COL11A1: variants seen among roughly 807,000 people sequenced by gnomAD.
The protein encoded by COL11A1 is collagen alpha-1(XI) chain.
Under a neutral mutation model 265.2 loss-of-function variants are expected in COL11A1, and 74 were observed. That is an observed-to-expected ratio of 0.28 (90% CI 0.23 to 0.34). The LOEUF (loss-of-function observed/expected upper bound fraction) is 0.34. Among genes scored for constraint, COL11A1 ranks in the 10% least tolerant of loss-of-function variants. The pLI is 1.00. For synonymous variants in COL11A1, 816 were observed against 727.6 expected (o/e 1.12, Z -1.96); for missense variants, 2,165 against 2,263.6 (o/e 0.96, Z 0.88).
At chr1:103,021,616 G>T in intron 9 of COL11A1, 91 bp downstream of exon 9, 1 of 849,564 alleles carries the variant, frequency 1.2e-6, no homozygotes, top group Non-Finnish European at 2.0e-6. Flanking sequence ...GATTATCATT[G>T]GTAAAACACG....
chr1:103,005,712 T>C, intron 18 of COL11A1, 126 bp downstream of exon 18: 2 of 1,044,000 alleles, frequency 1.9e-6, no homozygotes, highest in Non-Finnish European at 1.5e-6. Context: ...TAGTATCTAT[T>C]AGATTATTAA....
chr1:102,954,063 A>G (rs545790468), intron 41 of COL11A1, among the ~76,000 whole-genome samples: 1 of 152,358 alleles, frequency 6.6e-6, no homozygotes, highest in Admixed American at 6.5e-5. Context: ...AATATTAACA[A>G]CTATGGAAAA....
intron 53 of COL11A1, among the ~76,000 whole-genome samples, chr1:102,913,195 C>T (rs959752548): frequency 3.3e-5 from 5 of 151,442 alleles, no homozygotes; most frequent in South Asian, 4.2e-4. Context: ...AAGTACACTC[C>T]TGTATCATTC....
At chr1:103,054,901 C>G (rs1369274736) in intron 4 of COL11A1, among the ~76,000 whole-genome samples, 1 of 151,256 alleles carries the variant, frequency 6.6e-6, no homozygotes, top group Non-Finnish European at 1.5e-5. Flanking sequence ...AACTCTGTCT[C>G]AAAAAAAATT....
chr1:103,098,246 G>A (rs1299211648), intron 1 of COL11A1, among the ~76,000 whole-genome samples: 1 of 151,898 alleles, frequency 6.6e-6, no homozygotes, highest in Non-Finnish European at 1.5e-5. Context: ...AGTTATTGCA[G>A]AGCCACTACT....
At chr1:102,917,007 C>A (rs1170779386) in intron 49 of COL11A1, among the ~76,000 whole-genome samples, 3 of 151,494 alleles carry the variant, frequency 2.0e-5, no homozygotes, top group Non-Finnish European at 4.4e-5. Flanking sequence ...TATGATAAGT[C>A]TATTGAGCAT....
At chr1:103,095,245 G>A (rs1328162833) in intron 1 of COL11A1, among the ~76,000 whole-genome samples, 1 of 151,724 alleles carries the variant, frequency 6.6e-6, no homozygotes, top group African/African-American at 2.4e-5. Context: ...AATAATTTAA[G>A]GCAACATTTA....
chr1:103,001,291 T>C (rs1264767336), intron 24 of COL11A1: 1 of 395,234 alleles, frequency 2.5e-6, no homozygotes, highest in Non-Finnish European at 4.5e-6. Flanking sequence ...AGCTATTAGT[T>C]TTTTTTAATT....
At chr1:103,011,344 T>C (rs1666108719) in intron 14 of COL11A1, among the ~76,000 whole-genome samples, 1 of 152,148 alleles carries the variant, frequency 6.6e-6, no homozygotes, top group African/African-American at 2.4e-5. Flanking sequence ...ATAAAATACA[T>C]GATAAACATT....
At position 102,923,319 on chromosome 1, in the gene COL11A1, C is replaced by A; in HGVS notation, c.3654+17G>T. 6.2e-7 allele frequency: 1 copy of A among 1,601,382 alleles called. No homozygotes were observed. On this transcript the variant is annotated intron_variant, in intron 47 of 66. Coordinates refer to ENST00000370096, the MANE Select transcript of COL11A1 (RefSeq NM_001854.4). ...CATATAACACATACCCATCAAACAC[C>A]AAAAATAAAAACTTACCATGGGACC...
At chr1:102,966,888 T>C (rs1345862952) in intron 37 of COL11A1, among the ~76,000 whole-genome samples, 1 of 152,174 alleles carries the variant, frequency 6.6e-6, no homozygotes, top group African/African-American at 2.4e-5. Flanking sequence ...ACTAGAAATT[T>C]CCAGTTGTAT....
chr1:103,097,825 C>A (rs1673905822), intron 1 of COL11A1, among the ~76,000 whole-genome samples: 1 of 151,938 alleles, frequency 6.6e-6, no homozygotes, highest in Non-Finnish European at 1.5e-5. Flanking sequence ...GAATAGAGAT[C>A]ATCATATTGT....
In COL11A1 at chr1:102,947,096, A is replaced by G. The variant is rs111784238; in HGVS notation, c.3169-140T>C. The G allele has an allele frequency of 9.6e-3, 7,440 of 771,156 alleles. 424 individuals carry two copies. The African/African-American group carries it at 0.12, about 12-fold the overall frequency. 47.8% of individuals were successfully genotyped at this position (771,156 alleles called of 1,614,324 possible). ...GAGTTTAGATAATTTTAAGATCCCA[A>G]AGAGAAACAGTTGAATCCACTATTT... On this transcript the variant is annotated intron_variant, in intron 41 of 66. Transcript: ENST00000370096.
At position 102,898,706 on chromosome 1, in the gene COL11A1, T is replaced by A; in HGVS notation, c.4208A>T (p.Lys1403Met). 6.2e-7 allele frequency: 1 copy of A among 1,612,898 alleles called. No individual in the cohort carries two copies. The highest frequency in any genetic ancestry group is 8.5e-7 in the Non-Finnish European group (1 of 1,179,298). Residue 1403 changes from lysine to methionine, a missense_variant, in exon 56 of 67, where the codon AAG becomes ATG. Lys to Met is a moderately conservative substitution (Grantham distance 95). Coordinates refer to ENST00000370096, the MANE Select transcript of COL11A1 (RefSeq NM_001854.4). ...GPVGPQGPAG[K>M]PGPEGLRGIP... Reference sequence around the variant, plus strand: ...GCCCCGAAGACCTTCTGGACCAGGCTTTCCTGCAGGTCCCTGAGGACCGAC... The same window carrying A: ...GCCCCGAAGACCTTCTGGACCAGGCATTCCTGCAGGTCCCTGAGGACCGAC...
chr1:103,037,142 TTATA>T (rs34909682), intron 4 of COL11A1, among the ~76,000 whole-genome samples: 5 of 148,402 alleles, frequency 3.4e-5, no homozygotes, highest in African/African-American at 9.8e-5. Context: ...ATATATAATT[TTATA>T]TATATATATA....
At chr1:103,052,316 T>G (rs1669900413) in intron 4 of COL11A1, among the ~76,000 whole-genome samples, 1 of 152,178 alleles carries the variant, frequency 6.6e-6, no homozygotes, top group African/African-American at 2.4e-5. Context: ...TCATAGCCTA[T>G]AGTTTAAAGT....
chr1:103,105,991 C>T (rs940115556), intron 1 of COL11A1, among the ~76,000 whole-genome samples: 1 of 152,074 alleles, frequency 6.6e-6, no homozygotes. Flanking sequence ...GAAGAAGAAA[C>T]CCAACAAAAT....
At chr1:102,893,825 C>A (rs1652059332) in intron 57 of COL11A1, among the ~76,000 whole-genome samples, 1 of 152,018 alleles carries the variant, frequency 6.6e-6, no homozygotes, top group African/African-American at 2.4e-5. Context: ...TTATTTAAAC[C>A]TTTTTAATCA....
chr1:102,922,489 T>A (rs952260731), intron 47 of COL11A1, among the ~76,000 whole-genome samples: 5 of 152,110 alleles, frequency 3.3e-5, no homozygotes, highest in African/African-American at 1.2e-4. Flanking sequence ...CTCCGCCTCC[T>A]GGGTTCACGC....
Sources: allele counts gnomAD v4.1 joint callset (sites outside exome capture counted in the v4.1 genomes callset), GRCh38; gene constraint gnomAD v4.1.1; transcripts MANE v1.5; gene names NCBI Gene and HGNC (gene_info 2026-07-23, HGNC 2026-07-21).